The following ADAMTSL1 variants were observed in gnomAD, a reference collection of about 807,000 sequenced individuals.
ADAMTSL1 encodes ADAMTS-like protein 1.
A neutral mutation model predicts 201.8 loss-of-function variants in ADAMTSL1; 126 were observed. The ratio of observed to expected loss-of-function variants is 0.62; its 90% CI spans 0.54 to 0.72. ADAMTSL1 has a LOEUF of 0.72. ADAMTSL1 is among the 30% of genes least tolerant of loss of function. The pLI, the probability that ADAMTSL1 is intolerant of heterozygous loss-of-function variation, is 0.00. For synonymous variants in ADAMTSL1, 1,121 were observed against 903.4 expected, an observed-to-expected ratio of 1.24 and a Z score of -4.32; for missense variants, 2,679 against 2,277.8, an observed-to-expected ratio of 1.18 and a Z score of -3.59.
At chr9:18,559,478 T>C (rs1301357389) in intron 3 of ADAMTSL1, among the ~76,000 whole-genome samples, 1 of 152,234 alleles carries the variant, frequency 6.6e-6, no homozygotes, top group Non-Finnish European at 1.5e-5. Flanking sequence ...TAGAATTTTC[T>C]TGGCTATATG....
At position 18,359,836 on chromosome 9, in the gene ADAMTSL1, C is replaced by G. The variant is rs980903890; in HGVS notation, c.208-144993C>G. ...CCCCACCTCCCCACCCGCCCCCCCG[C>G]CCACACAAAATGCCCCACCCCTGCT... On this transcript the variant is annotated intron_variant, in intron 2 of 29. Transcript: ENST00000680146. Among the ~76,000 whole-genome samples the G allele has an allele frequency of 1.9e-4, 22 of 113,918 alleles. 2 individuals are homozygous for G. The highest frequency in any genetic ancestry group is 2.8e-4 in the African/African-American group (8 of 28,668). 74.7% of individuals were successfully genotyped at this position (113,918 alleles called of 152,430 possible).
At chr9:18,122,600 A>G (rs573958430) in intron 1 of ADAMTSL1, among the ~76,000 whole-genome samples, 5 of 152,294 alleles carry the variant, frequency 3.3e-5, no homozygotes, top group African/African-American at 9.6e-5. Context: ...TTTGAAGAAC[A>G]TTGGAAAATA....
At chr9:18,402,615 G>A (rs1587086679) in intron 2 of ADAMTSL1, among the ~76,000 whole-genome samples, 1 of 151,980 alleles carries the variant, frequency 6.6e-6, no homozygotes. Context: ...GTCCTTTCTT[G>A]CCCTCTGTTT....
chr9:18,759,402 C>T (rs1179647964), intron 16 of ADAMTSL1, among the ~76,000 whole-genome samples: 1 of 152,110 alleles, frequency 6.6e-6, no homozygotes, highest in African/African-American at 2.4e-5. Flanking sequence ...CAAGCAAAGA[C>T]AAAAATACCT....
chr9:18,578,838 C>G (rs530718494), intron 4 of ADAMTSL1, among the ~76,000 whole-genome samples: 90 of 151,130 alleles, frequency 6.0e-4, no homozygotes, highest in African/African-American at 2.1e-3. Context: ...AGTTTACAGT[C>G]CCACCAACAG....
chr9:18,622,302 C>A lies in ADAMTSL1; in HGVS notation c.534C>A (p.Cys178Ter). Reference sequence around the variant, plus strand: ...TCAAGGAAGATAACTGTGGGGTCTGCAACGGAGATGGGTCCACCTGCCGGC... The same window carrying A: ...TCAAGGAAGATAACTGTGGGGTCTGAAACGGAGATGGGTCCACCTGCCGGC... Reference protein sequence around the residue: ...STVKEDNCGVCNGDGSTCRLV... With the variant: ...STVKEDNCGV Residue 178 changes from cysteine to a stop codon, truncating the protein, a stop_gained, in exon 5 of 29, where the codon TGC becomes TGA. Transcript: ENST00000380548. LOFTEE classifies it high-confidence loss of function. 6.2e-7 allele frequency: 1 copy of A among 1,614,028 alleles called. No individual in the cohort carries two copies. The highest frequency in any genetic ancestry group is 8.5e-7 in the Non-Finnish European group (1 of 1,179,944).
At chr9:18,519,465 C>T (rs569793200) in intron 2 of ADAMTSL1, among the ~76,000 whole-genome samples, 1 of 152,206 alleles carries the variant, frequency 6.6e-6, no homozygotes, top group Non-Finnish European at 1.5e-5. Context: ...CCTTTGTAAG[C>T]TATTGCCCTC....
rs554581524 is a variant in ADAMTSL1, at chr9:18,745,213, T to G, written c.2007-8085T>G. On this transcript the variant is annotated intron_variant, in intron 15 of 28. Transcript: ENST00000380548. ...GATTACTGCCTGAGTCAATTATTAT[T>G]ATGATGATTGCCAAATGGTAACTTT... Among the ~76,000 whole-genome samples, 15 of 152,306 alleles carry G rather than the reference T, an allele frequency of 9.8e-5. No individual in the cohort carries two copies. In the East Asian group the frequency reaches 1.2e-3, roughly 12 times the overall value.
At chr9:17,943,876 C>G (rs1441779807) in intron 1 of ADAMTSL1, among the ~76,000 whole-genome samples, 3 of 151,942 alleles carry the variant, frequency 2.0e-5, no homozygotes, top group Non-Finnish European at 4.4e-5. Context: ...CCTCAGGAAG[C>G]TTACAGTCAT....
intron 9 of ADAMTSL1, among the ~76,000 whole-genome samples, chr9:18,663,732 T>C (rs1829255506): frequency 6.7e-6 from 1 of 149,944 alleles, no homozygotes; most frequent in African/African-American, 2.5e-5. Flanking sequence ...AAAAAAAATG[T>C]CAATCAAGAG....
chr9:18,296,331 T>G (rs1833476641), intron 2 of ADAMTSL1, among the ~76,000 whole-genome samples: 1 of 152,082 alleles, frequency 6.6e-6, no homozygotes, highest in Non-Finnish European at 1.5e-5. Flanking sequence ...TGTAATAAAA[T>G]AAAAAAATTT....
intron 2 of ADAMTSL1, among the ~76,000 whole-genome samples, chr9:18,462,686 C>T (rs1264486699): frequency 6.6e-6 from 1 of 151,986 alleles, no homozygotes; most frequent in Non-Finnish European, 1.5e-5. Flanking sequence ...CACCTAGAAT[C>T]CTAGCACTTT....
At chr9:18,839,581 T>C (rs1563846027) in intron 23 of ADAMTSL1, among the ~76,000 whole-genome samples, 2 of 152,252 alleles carry the variant, frequency 1.3e-5, no homozygotes, top group East Asian at 1.9e-4. Context: ...ATGGTATTTC[T>C]AGTTCTAGAT....
chr9:18,661,234 G>A (rs1829072073), intron 8 of ADAMTSL1, among the ~76,000 whole-genome samples: 4 of 152,158 alleles, frequency 2.6e-5, no homozygotes, highest in Admixed American at 2.0e-4. Flanking sequence ...CAATTTGTGG[G>A]TGGAGGCTAA....
intron 1 of ADAMTSL1, among the ~76,000 whole-genome samples, chr9:18,120,717 C>A (rs1825460669): frequency 6.6e-6 from 1 of 152,188 alleles, no homozygotes; most frequent in Admixed American, 6.5e-5. Flanking sequence ...GAATCAGAAT[C>A]TACATTTAAA....
intron 1 of ADAMTSL1, among the ~76,000 whole-genome samples, chr9:17,973,465 A>G (rs1818304555): frequency 7.6e-6 from 1 of 132,268 alleles, no homozygotes; most frequent in African/African-American, 2.5e-5. Context: ...GTCAAAGATC[A>G]GATGGTTGTA....
At chr9:18,742,992 C>T (rs10963743) in intron 15 of ADAMTSL1, among the ~76,000 whole-genome samples, 21,551 of 152,070 alleles carry the variant, frequency 0.14, 1,558 homozygotes, top group Middle Eastern at 0.18. Flanking sequence ...AACCACCTAA[C>T]ATATCAAACT....
At chr9:18,090,494 C>T (rs1195818722) in intron 1 of ADAMTSL1, among the ~76,000 whole-genome samples, 2 of 152,072 alleles carry the variant, frequency 1.3e-5, no homozygotes, top group African/African-American at 4.8e-5. Flanking sequence ...ATTCAGTCAC[C>T]AAAGGATAAA....
chr9:18,783,735 G>T (rs769763518), intron 19 of ADAMTSL1, among the ~76,000 whole-genome samples: 4 of 152,164 alleles, frequency 2.6e-5, no homozygotes, highest in Admixed American at 2.0e-4. Flanking sequence ...CATGTAAAGG[G>T]TTATTAAAAG....
Sources: allele counts gnomAD v4.1 joint callset (sites outside exome capture counted in the v4.1 genomes callset), GRCh38; gene constraint gnomAD v4.1.1; transcripts MANE v1.5; gene names NCBI Gene and HGNC (gene_info 2026-07-23, HGNC 2026-07-21).